SMYD3: variants seen among roughly 807,000 people sequenced by gnomAD.
The protein encoded by SMYD3 is SET and MYND domain containing 3.
Under a neutral mutation model 57.7 loss-of-function variants are expected in SMYD3, and 36 were observed. The observed-to-expected ratio is 0.62, with a 90% CI of 0.48 to 0.82. The LOEUF (loss-of-function observed/expected upper bound fraction) is 0.82. SMYD3 is among the 40% of genes least tolerant of loss of function. The pLI, the probability that SMYD3 is intolerant of heterozygous loss-of-function variation, is 0.00. For synonymous variants in SMYD3, 211 were observed against 195.0 expected (o/e 1.08, Z -0.68); for missense variants, 515 against 538.8 (o/e 0.96, Z 0.44).
rs531514391 is a variant in SMYD3, at chr1:246,288,414, T to C, written c.531+38787A>G. 5.3e-5 allele frequency among the ~76,000 whole-genome samples: 8 copies of C among 152,174 alleles called. No homozygotes were observed. In the East Asian group the frequency reaches 1.5e-3, roughly 29 times the overall value. Reference sequence around the variant, plus strand: ...CACAACAGGAGGGAAAACCCAGAAGTGGCCTCCTGGTCCCCTACAGCCCCA... The same window carrying C: ...CACAACAGGAGGGAAAACCCAGAAGCGGCCTCCTGGTCCCCTACAGCCCCA... On this transcript the variant is annotated intron_variant, in intron 5 of 11. Transcript: ENST00000490107.
At chr1:246,166,892 T>C (rs1427505213) in intron 5 of SMYD3, among the ~76,000 whole-genome samples, 3 of 152,212 alleles carry the variant, frequency 2.0e-5, no homozygotes, top group Non-Finnish European at 4.4e-5. Flanking sequence ...AAAACATTTG[T>C]ATCACTACAG....
chr1:246,235,893 TATTTA>T (rs1301275473), intron 5 of SMYD3, among the ~76,000 whole-genome samples: 1 of 152,168 alleles, frequency 6.6e-6, no homozygotes, highest in Non-Finnish European at 1.5e-5. Context: ...CTGAATTTTT[TATTTA>T]ATTTAATGAA....
At chr1:245,926,330 A>G (rs2056372696) in intron 7 of SMYD3, among the ~76,000 whole-genome samples, 1 of 152,242 alleles carries the variant, frequency 6.6e-6, no homozygotes, top group Admixed American at 6.5e-5. Context: ...ATGATGAATC[A>G]GGGGAAACAC....
intron 5 of SMYD3, among the ~76,000 whole-genome samples, chr1:246,266,079 G>A (rs1424660875): frequency 6.6e-6 from 1 of 152,126 alleles, no homozygotes; most frequent in Non-Finnish European, 1.5e-5. Context: ...TTTAGTTCTT[G>A]TTTGCTGAAC....
chr1:245,970,024 A>G (rs945369151), intron 5 of SMYD3, among the ~76,000 whole-genome samples: 14 of 152,224 alleles, frequency 9.2e-5, no homozygotes, highest in Non-Finnish European at 2.1e-4. Context: ...AGCAAAAAGA[A>G]CAAAGCTGGA....
intron 5 of SMYD3, among the ~76,000 whole-genome samples, chr1:246,043,891 A>G (rs1423674483): frequency 6.6e-6 from 1 of 152,094 alleles, no homozygotes; most frequent in African/African-American, 2.4e-5. Context: ...TGGACTGGAT[A>G]ATGACTCGCA....
intron 5 of SMYD3, among the ~76,000 whole-genome samples, chr1:246,183,427 A>T (rs1412575765): frequency 6.6e-6 from 1 of 151,818 alleles, no homozygotes; most frequent in African/African-American, 2.4e-5. Flanking sequence ...GAGATAAAAA[A>T]GCAAACAATG....
chr1:246,360,328 TC>T (rs2065968385), intron 1 of SMYD3, among the ~76,000 whole-genome samples: 1 of 152,100 alleles, frequency 6.6e-6, no homozygotes, highest in African/African-American at 2.4e-5. Flanking sequence ...TGGAAACATG[TC>T]CCATGCTCAT....
chr1:246,338,477 A>T (rs1572396426), intron 2 of SMYD3, among the ~76,000 whole-genome samples: 1 of 152,212 alleles, frequency 6.6e-6, no homozygotes, highest in South Asian at 2.1e-4. Context: ...ATTTTCTTAC[A>T]TTACTTCCAA....
intron 5 of SMYD3, among the ~76,000 whole-genome samples, chr1:246,201,662 C>T (rs1364566401): frequency 6.6e-6 from 1 of 152,108 alleles, no homozygotes; most frequent in Non-Finnish European, 1.5e-5. Context: ...AGAAATGTCA[C>T]GGAAGCATAA....
chr1:245,948,608 G>A (rs2057505382), intron 5 of SMYD3, among the ~76,000 whole-genome samples: 1 of 149,250 alleles, frequency 6.7e-6, no homozygotes, highest in African/African-American at 2.5e-5. Flanking sequence ...ACCATTTTGA[G>A]GGCCCAGCTT....
At chr1:246,230,661 T>A (rs2063395988) in intron 5 of SMYD3, among the ~76,000 whole-genome samples, 1 of 152,190 alleles carries the variant, frequency 6.6e-6, no homozygotes, top group Non-Finnish European at 1.5e-5. Context: ...AGTATCATAA[T>A]CTTTGTGCCT....
chr1:245,960,535 A>T (rs777707811), intron 5 of SMYD3, among the ~76,000 whole-genome samples: 2 of 152,252 alleles, frequency 1.3e-5, no homozygotes, highest in Non-Finnish European at 1.5e-5. Context: ...CAGCCTGGGT[A>T]ACATGGGAAA....
intron 5 of SMYD3, among the ~76,000 whole-genome samples, chr1:246,263,596 A>G (rs2064050711): frequency 6.6e-6 from 1 of 152,224 alleles, no homozygotes; most frequent in Non-Finnish European, 1.5e-5. Context: ...AGCCTCCTTA[A>G]AACACAAACA....
At chr1:245,817,284 C>T (rs959722913) in intron 10 of SMYD3, among the ~76,000 whole-genome samples, 9 of 137,066 alleles carry the variant, frequency 6.6e-5, no homozygotes, top group South Asian at 2.2e-4. Context: ...CCAGCAGGGG[C>T]ACACTGACAC....
chr1:246,006,118 T>C (rs1355509716), intron 5 of SMYD3, among the ~76,000 whole-genome samples: 1 of 152,228 alleles, frequency 6.6e-6, no homozygotes, highest in African/African-American at 2.4e-5. Flanking sequence ...GGTGATTTGA[T>C]GTTTGTGTTG....
chr1:246,460,745 T>G (rs2067785728), intron 1 of SMYD3, among the ~76,000 whole-genome samples: 1 of 152,254 alleles, frequency 6.6e-6, no homozygotes, highest in African/African-American at 2.4e-5. Flanking sequence ...AAAACAGTTG[T>G]TGGTTTGCCT....
intron 5 of SMYD3, among the ~76,000 whole-genome samples, chr1:246,270,699 TACC>T (rs1290334841): frequency 7.2e-5 from 11 of 152,230 alleles, no homozygotes; most frequent in African/African-American, 2.7e-4. Context: ...TGTATGTATG[TACC>T]ACATTTTGTT....
rs148753608 is a variant in SMYD3 at position 246,497,807 on chromosome 1, A to G, written c.164+9247T>C. ...CTTGAGCCCAGGAATTCAAGGCTGC[A>G]GTGACCTATGATCAAACCACTGCAT... On this transcript the variant is annotated intron_variant, in intron 1 of 11. Coordinates refer to ENST00000490107, the MANE Select transcript of SMYD3 (RefSeq NM_001167740.2). Among the ~76,000 whole-genome samples the G allele has an allele frequency of 5.9e-4, 90 of 152,212 alleles. 1 individual carries two copies. The highest frequency in any genetic ancestry group is 1.9e-3 in the African/African-American group (80 of 41,534).
Sources: gnomAD v4.1 joint callset for allele counts (sites outside exome capture counted in the v4.1 genomes callset) on GRCh38, gnomAD v4.1.1 for gene constraint, MANE v1.5 for transcripts, NCBI Gene and HGNC (gene_info 2026-07-23, HGNC 2026-07-21) for gene names.